Variants in GRID2 observed in about 807,000 individuals in gnomAD.
The protein encoded by GRID2 is glutamate receptor ionotropic, delta-2.
GRID2 carries 33 observed loss-of-function variants against 114.8 expected under a neutral mutation model. The ratio of observed to expected loss-of-function variants is 0.29; its 90% CI spans 0.22 to 0.38. GRID2 has a LOEUF of 0.38. Ranked by LOEUF, GRID2 falls within the 10% of genes least tolerant of loss-of-function variation. The probability of loss-of-function intolerance (pLI) is 1.00; values close to 1 mark genes in which losing one functional copy is unlikely to be tolerated. For synonymous variants in GRID2, 505 were observed against 449.9 expected, an observed-to-expected ratio of 1.12 and a Z score of -1.55; for missense variants, 1,184 against 1,257.7, an observed-to-expected ratio of 0.94 and a Z score of 0.89.
chr4:92,551,890 T>C (rs1726609590), intron 1 of GRID2, among the ~76,000 whole-genome samples: 2 of 151,854 alleles, frequency 1.3e-5, no homozygotes. Flanking sequence ...GTAAGAGAGA[T>C]AAGGTTTCTC....
rs190258303 is a variant in GRID2, at chr4:92,739,303, A to T, written c.244+149017A>T. On this transcript the variant is annotated intron_variant, in intron 2 of 15. Coordinates refer to ENST00000282020, the MANE Select transcript of GRID2 (RefSeq NM_001510.4). ...CTTAAATTATTCTAAGGATTCTTCA[A>T]ATTATGTCAGACTTTTAAAAAGTTT... Among the ~76,000 whole-genome samples, 340 of 152,314 alleles carry T rather than the reference A, an allele frequency of 2.2e-3. 2 individuals are homozygous for T. The highest frequency in any genetic ancestry group is 7.9e-3 in the African/African-American group (330 of 41,584).
chr4:93,306,005 C>G (rs938981317), intron 8 of GRID2: 7 of 152,222 alleles, frequency 4.6e-5, no homozygotes. Flanking sequence ...AACTAAATTA[C>G]CTCAACATAC....
At chr4:93,707,955 C>T (rs1728153881) in intron 14 of GRID2, among the ~76,000 whole-genome samples, 1 of 151,874 alleles carries the variant, frequency 6.6e-6, no homozygotes, top group African/African-American at 2.4e-5. Flanking sequence ...CCCCACTGAT[C>T]ATTCAGGAGC....
chr4:92,754,951 T>C (rs555619878), intron 2 of GRID2, among the ~76,000 whole-genome samples: 1 of 152,346 alleles, frequency 6.6e-6, no homozygotes, highest in African/African-American at 2.4e-5. Context: ...TTCTACTATT[T>C]CCTTTTCTGT....
At position 92,807,662 on chromosome 4, in the gene GRID2, T is replaced by C. The variant is rs577640504; in HGVS notation, c.244+217376T>C. 2.0e-5 allele frequency among the ~76,000 whole-genome samples: 3 copies of C among 152,066 alleles called. No homozygotes were observed. In the East Asian group the frequency reaches 5.8e-4, roughly 30 times the overall value. On this transcript the variant is annotated intron_variant, in intron 2 of 15. Coordinates refer to ENST00000282020, the MANE Select transcript of GRID2 (RefSeq NM_001510.4). ...TATATGCAGAAAAGTCCCCTCAAAT[T>C]GTAAGTGAAAGGAGACGTTGATAAG...
intron 14 of GRID2, among the ~76,000 whole-genome samples, chr4:93,703,203 T>C (rs932107295): frequency 3.9e-5 from 6 of 152,162 alleles, no homozygotes; most frequent in Non-Finnish European, 8.8e-5. Flanking sequence ...ATATTTTAAC[T>C]CATTTTTCTA....
intron 10 of GRID2, among the ~76,000 whole-genome samples, chr4:93,442,926 A>C (rs1721753880): frequency 6.6e-6 from 1 of 151,980 alleles, no homozygotes; most frequent in South Asian, 2.1e-4. Context: ...TCCAATTTTC[A>C]AGTTACTCAG....
intron 10 of GRID2, among the ~76,000 whole-genome samples, chr4:93,452,553 G>A (rs1266713530): frequency 6.6e-6 from 1 of 152,084 alleles, no homozygotes; most frequent in Non-Finnish European, 1.5e-5. Flanking sequence ...GAAATAGAGA[G>A]AGATTGATAC....
At chr4:92,597,409 G>A (rs1451620284) in intron 2 of GRID2, among the ~76,000 whole-genome samples, 1 of 152,064 alleles carries the variant, frequency 6.6e-6, no homozygotes, top group Non-Finnish European at 1.5e-5. Flanking sequence ...AAATTCAGAT[G>A]TTTACAGACC....
chr4:92,619,406 C>G (rs991516560), intron 2 of GRID2, among the ~76,000 whole-genome samples: 5 of 151,656 alleles, frequency 3.3e-5, no homozygotes, highest in Non-Finnish European at 4.4e-5. Context: ...TATCAAGGAC[C>G]ACTGTGTTGC....
chr4:93,273,747 T>G (rs769744796), intron 8 of GRID2, among the ~76,000 whole-genome samples: 1 of 152,012 alleles, frequency 6.6e-6, no homozygotes, highest in Non-Finnish European at 1.5e-5. Flanking sequence ...GGGCCATGAG[T>G]GAAGAAATGT....
At chr4:93,450,105 G>A (rs909940667) in intron 10 of GRID2, among the ~76,000 whole-genome samples, 4 of 151,976 alleles carry the variant, frequency 2.6e-5, no homozygotes, top group South Asian at 2.1e-4. Context: ...TTTAAAAAGT[G>A]TATAATTTAT....
At chr4:92,970,014 A>T (rs1753395980) in intron 2 of GRID2, among the ~76,000 whole-genome samples, 1 of 151,978 alleles carries the variant, frequency 6.6e-6, no homozygotes, top group Non-Finnish European at 1.5e-5. Flanking sequence ...CCGGGCTAAC[A>T]ATGGAAAAAT....
intron 8 of GRID2, among the ~76,000 whole-genome samples, chr4:93,286,693 G>GT (rs1561086996): frequency 5.7e-4 from 79 of 137,580 alleles, no homozygotes; most frequent in Middle Eastern, 3.5e-3. Context: ...GTGTGTGTGG[G>GT]GGTGTGTGTG....
rs530699998 is a variant in GRID2, at chr4:92,574,200, C to T, written c.89-15931C>T. Reference sequence around the variant, plus strand: ...CCTATGTGTGTCTTTGTATGTGAGACGAGTCCCTTGAAGACAGCATACCAA... The same window carrying T: ...CCTATGTGTGTCTTTGTATGTGAGATGAGTCCCTTGAAGACAGCATACCAA... On this transcript the variant is annotated intron_variant, in intron 1 of 15. Coordinates refer to ENST00000282020, the MANE Select transcript of GRID2 (RefSeq NM_001510.4). 5.9e-5 allele frequency among the ~76,000 whole-genome samples: 9 copies of T among 152,044 alleles called. No homozygotes were observed. In the East Asian group the frequency reaches 1.2e-3, roughly 20 times the overall value.
At chr4:92,567,429 T>A (rs1727388822) in intron 1 of GRID2, among the ~76,000 whole-genome samples, 1 of 152,064 alleles carries the variant, frequency 6.6e-6, no homozygotes, top group Admixed American at 6.6e-5. Flanking sequence ...CACGGCATAT[T>A]TGAATATCTA....
At chr4:92,701,074 G>A (rs752577636) in intron 2 of GRID2, among the ~76,000 whole-genome samples, 1 of 151,746 alleles carries the variant, frequency 6.6e-6, no homozygotes, top group African/African-American at 2.4e-5. Flanking sequence ...ACCTTACTGT[G>A]TGTAAATGCT....
At chr4:92,335,632 A>G (rs963981708) in intron 1 of GRID2, among the ~76,000 whole-genome samples, 3 of 152,218 alleles carry the variant, frequency 2.0e-5, no homozygotes, top group Admixed American at 1.3e-4. Flanking sequence ...TTATGCAATT[A>G]AAGGAAGTCT....
chr4:93,151,832 ATGAACTTGTT>A (rs1403158885), intron 4 of GRID2, among the ~76,000 whole-genome samples: 5 of 152,162 alleles, frequency 3.3e-5, no homozygotes, highest in African/African-American at 1.2e-4. Flanking sequence ...ATCACATTAA[ATGAACTTGTT>A]TTGTGTGTCT....
Sources: gnomAD v4.1 joint callset for allele counts (sites outside exome capture counted in the v4.1 genomes callset) on GRCh38, gnomAD v4.1.1 for gene constraint, MANE v1.5 for transcripts, NCBI Gene and HGNC (gene_info 2026-07-23, HGNC 2026-07-21) for gene names.